Variants in ZGPAT observed in about 807,000 individuals in gnomAD.
ZGPAT encodes zinc finger CCCH-type and G-patch domain containing, also known as zinc finger CCCH-type with G patch domain-containing protein.
In ZGPAT, 39 loss-of-function variants were observed where a neutral mutation model predicts 47.9. The ratio of observed to expected loss-of-function variants is 0.81; its 90% CI spans 0.63 to 1.06. The LOEUF (loss-of-function observed/expected upper bound fraction) is 1.06. Ranked by LOEUF, ZGPAT falls within the 50% of genes least tolerant of loss-of-function variation. The pLI is 0.00. For missense variants in ZGPAT, 717 were observed against 681.4 expected (o/e 1.05, Z -0.58); for synonymous variants, 348 against 292.9 (o/e 1.19, Z -1.92).
At chr20:63,713,378 C>T (rs112334082) in intron 2 of ZGPAT, among the ~76,000 whole-genome samples, 1 of 151,972 alleles carries the variant, frequency 6.6e-6, no homozygotes, top group Non-Finnish European at 1.5e-5. Flanking sequence ...ATACAGGTGC[C>T]TGCCACCACG....
At chr20:63,716,174 C>T (rs1354028937) in intron 2 of ZGPAT, among the ~76,000 whole-genome samples, 8 of 152,108 alleles carry the variant, frequency 5.3e-5, no homozygotes, top group African/African-American at 1.7e-4. Context: ...GGACTACAGG[C>T]GCACGCCAGC....
chr20:63,722,850 C>T (rs576607157), intron 2 of ZGPAT, among the ~76,000 whole-genome samples: 3 of 152,218 alleles, frequency 2.0e-5, no homozygotes, highest in Admixed American at 6.5e-5. Flanking sequence ...AGGCTGGTCT[C>T]GAACTGCTGA....
rs757517317 is a variant in ZGPAT at position 63,733,378 on chromosome 20, G to A, written c.718+26G>A. 8.7e-6 allele frequency: 14 copies of A among 1,605,050 alleles called. No individual in the cohort carries two copies. The Admixed American group carries it at 1.0e-4, about 12-fold the overall frequency. On this transcript the variant is annotated intron_variant, in intron 3 of 6. Coordinates refer to ENST00000355969, the MANE Select transcript of ZGPAT (RefSeq NM_181485.3). ...GTGAGGCTGGCCGTGGGGGCCTCCC[G>A]GGAACACCCTCCCAGGCCCCACGTG...
intron 3 of ZGPAT, 39 bp downstream of exon 3, chr20:63,733,391 C>A: frequency 6.2e-7 from 1 of 1,604,064 alleles, no homozygotes; most frequent in Non-Finnish European, 8.5e-7. Flanking sequence ...AACACCCTCC[C>A]AGGCCCCACG....
rs780057742 is a variant in ZGPAT at position 63,735,876 on chromosome 20, A to T, written c.1493A>T (p.Glu498Val). ...LRAQEAGLQQ[E>V]QRKADTHKKM... ...GCTCAGGAAGCCGGCCTGCAGCAGGAGCAGAGGAAGGCAGACACCCACAAG... is the reference window on the plus strand; with the variant it reads ...GCTCAGGAAGCCGGCCTGCAGCAGGTGCAGAGGAAGGCAGACACCCACAAG... The change falls in exon 7 of 7, where the codon GAG (glutamate) becomes GTG (valine). Residue 498 changes from glutamate to valine, a missense_variant. Physicochemically the swap from Glu to Val is moderately radical, Grantham distance 121. Transcript: ENST00000355969. 5 of 1,612,892 alleles carry T rather than the reference A, an allele frequency of 3.1e-6. No homozygotes were observed. Among genetic ancestry groups the T allele is most frequent in the Non-Finnish European group, 4.2e-6 (5 of 1,179,930 alleles).
At chr20:63,729,094 C>T (rs1255492630) in intron 2 of ZGPAT, among the ~76,000 whole-genome samples, 2 of 147,352 alleles carry the variant, frequency 1.4e-5, no homozygotes, top group Non-Finnish European at 3.0e-5. Flanking sequence ...TGCAGTGGTG[C>T]GATCTTGGCT....
At chr20:63,715,552 A>C (rs1387727768) in intron 2 of ZGPAT, among the ~76,000 whole-genome samples, 2 of 152,094 alleles carry the variant, frequency 1.3e-5, no homozygotes, top group Non-Finnish European at 2.9e-5. Context: ...TCTTTTTAAC[A>C]GTTAAAAGTT....
rs2091625613 is a variant in ZGPAT, at chr20:63,709,285, G to A, written c.584+121G>A. The A allele has an allele frequency of 1.0e-5, 11 of 1,048,798 alleles. No homozygotes were observed. In the South Asian group the frequency reaches 1.5e-4, roughly 14 times the overall value. 65.0% of individuals were successfully genotyped at this position (1,048,798 alleles called of 1,614,324 possible). On this transcript the variant is annotated intron_variant, in intron 2 of 6. Transcript: ENST00000355969. Reference sequence around the variant, plus strand: ...TGTCTCAGCTTCCTGGGGCAGGCGTGCTTTGACAGCTGTGTCTGTGTTCAG... The same window carrying A: ...TGTCTCAGCTTCCTGGGGCAGGCGTACTTTGACAGCTGTGTCTGTGTTCAG...
intron 2 of ZGPAT, among the ~76,000 whole-genome samples, chr20:63,714,027 G>A (rs1190813844): frequency 6.6e-6 from 1 of 152,066 alleles, no homozygotes; most frequent in Non-Finnish European, 1.5e-5. Context: ...TAATATATAT[G>A]TGAATAGAGA....
intron 2 of ZGPAT, among the ~76,000 whole-genome samples, chr20:63,730,962 CTCTCTCTCTGTG>C (rs1483190085): frequency 1.4e-3 from 114 of 83,374 alleles, no homozygotes; most frequent in African/African-American, 5.8e-3. Context: ...CTCTCTCTCT[CTCTCTCTCTGTG>C]TGTGTGTGTG....
Position 63,733,573 on chromosome 20 carries a change from G to T in ZGPAT, c.719-14G>T, listed in dbSNP as rs757790023. ...TGTCAAGGATTCTGACCTGCAGCTT[G>T]TCTCTGCCCCCAGATGTGGACAACG... On this transcript the variant is annotated splice_polypyrimidine_tract_variant and intron_variant, in intron 3 of 6. Transcript: ENST00000355969. 12 of 1,614,032 alleles carry T rather than the reference G, an allele frequency of 7.4e-6. No individual in the cohort carries two copies. Among genetic ancestry groups the T allele is most frequent in the Non-Finnish European group, 9.3e-6 (11 of 1,180,050 alleles).
At chr20:63,715,822 A>G (rs1185893110) in intron 2 of ZGPAT, among the ~76,000 whole-genome samples, 4 of 146,304 alleles carry the variant, frequency 2.7e-5, no homozygotes, top group East Asian at 2.4e-4. Context: ...AGTGATATAT[A>G]CAATCATATA....
Position 63,733,707 on chromosome 20 carries a change from G to T in ZGPAT, c.839G>T (p.Ser280Ile), listed in dbSNP as rs138413259. 8.1e-6 allele frequency: 13 copies of T among 1,613,640 alleles called. No homozygotes were observed. In the African/African-American group the frequency reaches 1.7e-4, roughly 22 times the overall value. Reference protein sequence around the residue: ...RTEATESDSDSDGTGDSSYAR... With the variant: ...RTEATESDSDIDGTGDSSYAR... ...GAGGCCACAGAGTCCGACTCAGACAGCGACGGTACGGGTGACTCCAGCTAT... is the reference window on the plus strand; with the variant it reads ...GAGGCCACAGAGTCCGACTCAGACATCGACGGTACGGGTGACTCCAGCTAT... Residue 280 changes from serine to isoleucine, a missense_variant, in exon 4 of 7, where the codon AGC becomes ATC. By Grantham distance (142) the Ser-to-Ile change is moderately radical. Coordinates refer to ENST00000355969, the MANE Select transcript of ZGPAT (RefSeq NM_181485.3).
In ZGPAT at chr20:63,735,487, C is replaced by T; in HGVS notation, c.1320C>T (p.Phe440=). 6.5e-7 allele frequency: 1 copy of T among 1,544,832 alleles called. No individual in the cohort carries two copies. The highest frequency in any genetic ancestry group is 8.7e-7 in the Non-Finnish European group (1 of 1,151,110). ...SAKRALSLRL[F]QTEEKIERTQ... Reference sequence around the variant, plus strand: ...AGCGGGCCCTGAGCCTGCGGCTCTTCCAGACTGAGGAGAAGATCGAGCGAA... The same window carrying T: ...AGCGGGCCCTGAGCCTGCGGCTCTTTCAGACTGAGGAGAAGATCGAGCGAA... The change falls in exon 6 of 7, where the codon TTC becomes TTT. Residue 440 remains phenylalanine (F), a synonymous_variant. Transcript: ENST00000355969.
At chr20:63,718,782 C>A (rs988597877) in intron 2 of ZGPAT, among the ~76,000 whole-genome samples, 7 of 150,794 alleles carry the variant, frequency 4.6e-5, no homozygotes, top group Admixed American at 4.6e-4. Context: ...AAAATGCCAT[C>A]TTGGCTGGGC....
Position 63,709,163 on chromosome 20 carries a change from A to G in ZGPAT, c.583A>G (p.Arg195Gly). 6.2e-7 allele frequency: 1 copy of G among 1,608,972 alleles called. No individual in the cohort carries two copies. The highest frequency in any genetic ancestry group is 1.1e-5 in the South Asian group (1 of 91,080). Residue 195 changes from arginine to glycine, a missense_variant and splice_region_variant, in exon 2 of 7, where the codon AGG becomes GGG. Physicochemically the swap from Arg to Gly is moderately radical, Grantham distance 125. Coordinates refer to ENST00000355969, the MANE Select transcript of ZGPAT (RefSeq NM_181485.3). Reference protein sequence around the residue: ...EGKCRFKENCRFSHGQVVSLD... With the variant: ...EGKCRFKENCGFSHGQVVSLD... ...AAAGTGCCGCTTTAAGGAGAACTGC[A>G]GGTAAAGCCCTTTGTTGTCAGATGC...
rs566188833 is a variant in ZGPAT, at chr20:63,711,093, A to G, written c.584+1929A>G. Among the ~76,000 whole-genome samples, 132 of 151,170 alleles carry G rather than the reference A, an allele frequency of 8.7e-4. 1 individual carries two copies. Among genetic ancestry groups the G allele is most frequent in the African/African-American group, 3.0e-3 (124 of 41,128 alleles). The stretch of plus-strand genomic sequence containing the variant: ...CACCCAGGCTGGAGTGCAGTGGCAC[A>G]ATCTCGGCTCACTGCAATCTCCGCC... On this transcript the variant is annotated intron_variant, in intron 2 of 6. Coordinates refer to ENST00000355969, the MANE Select transcript of ZGPAT (RefSeq NM_181485.3).
intron 2 of ZGPAT, among the ~76,000 whole-genome samples, chr20:63,718,921 C>T (rs2091758924): frequency 6.6e-6 from 1 of 152,032 alleles, no homozygotes; most frequent in African/African-American, 2.4e-5. Flanking sequence ...AAAAAATTAA[C>T]CAGGTGTGGT....
chr20:63,732,906 ATG>A (rs201635887), intron 2 of ZGPAT, among the ~76,000 whole-genome samples: 2,530 of 151,738 alleles, frequency 0.017, 64 homozygotes, highest in African/African-American at 0.053. Context: ...GTGTATATGC[ATG>A]TGTGTGTATA....
Sources: gnomAD v4.1 joint callset for allele counts (sites outside exome capture counted in the v4.1 genomes callset) on GRCh38, gnomAD v4.1.1 for gene constraint, MANE v1.5 for transcripts, NCBI Gene and HGNC (gene_info 2026-07-23, HGNC 2026-07-21) for gene names.